The following RANBP2 variants were observed in gnomAD, a reference collection of about 807,000 sequenced individuals.
The protein encoded by RANBP2 is RAN binding protein 2.
In RANBP2, 57 loss-of-function variants were observed where a neutral mutation model predicts 303.6. The ratio of observed to expected loss-of-function variants is 0.19; its 90% confidence interval spans 0.15 to 0.23. The LOEUF is 0.23. Among genes scored for constraint, RANBP2 ranks in the 10% least tolerant of loss-of-function variants. The probability of loss-of-function intolerance (pLI) is 1.00; values close to 1 mark genes in which losing one functional copy is unlikely to be tolerated. For missense variants in RANBP2, 3,138 were observed against 3,780.8 expected, an observed-to-expected ratio of 0.83 and a Z score of 4.46; for synonymous variants, 1,167 against 1,301.5, an observed-to-expected ratio of 0.90 and a Z score of 2.23.
At chr2:109,225,642 GA>G in the RANBP2 span, among the ~76,000 whole-genome samples, 1 of 152,246 alleles carries the variant, frequency 6.6e-6, no homozygotes, top group African/African-American at 2.4e-5. Context: ...TTTGAATTTA[GA>G]AAATCAAAAG....
intron 1 of RANBP2, 116 bp downstream of exon 1, chr2:108,719,794 C>G: frequency 1.3e-6 from 2 of 1,497,980 alleles, no homozygotes; most frequent in Middle Eastern, 2.4e-4. Flanking sequence ...GTTGAGGCGC[C>G]GGCCGGCTGG....
the RANBP2 span, among the ~76,000 whole-genome samples, chr2:109,717,270 ACC>A: frequency 8.9e-5 from 9 of 101,172 alleles, no homozygotes; most frequent in Admixed American, 2.5e-4. Context: ...TTAAAAACAA[ACC>A]AAAAAAAAAA....
chr2:108,817,904 C>G, the RANBP2 span, among the ~76,000 whole-genome samples: 1 of 152,166 alleles, frequency 6.6e-6, no homozygotes, highest in Admixed American at 6.6e-5. Flanking sequence ...AATTTTGTCT[C>G]TTAGTACCTA....
At chr2:109,251,690 T>C in the RANBP2 span, 5 of 1,038,226 alleles carry the variant, frequency 4.8e-6, no homozygotes, top group Non-Finnish European at 6.0e-6. Flanking sequence ...CCTCTCTTCA[T>C]AGGTTCTATT....
At chr2:109,286,609 G>A in the RANBP2 span, among the ~76,000 whole-genome samples, 1 of 152,216 alleles carries the variant, frequency 6.6e-6, no homozygotes, top group African/African-American at 2.4e-5. Context: ...ACATGGTGAG[G>A]GGAGCTTCCA....
chr2:109,650,609 G>C, the RANBP2 span, among the ~76,000 whole-genome samples: 1 of 152,144 alleles, frequency 6.6e-6, no homozygotes, highest in African/African-American at 2.4e-5. Context: ...CATAATCCCC[G>C]TGTGTTGTGG....
the RANBP2 span, among the ~76,000 whole-genome samples, chr2:109,208,463 C>A: frequency 6.6e-6 from 1 of 152,178 alleles, no homozygotes; most frequent in East Asian, 1.9e-4. Context: ...GCCCAAGAAG[C>A]CCTGTGGAGA....
the RANBP2 span, among the ~76,000 whole-genome samples, chr2:109,720,525 A>G: frequency 3.9e-5 from 6 of 152,156 alleles, no homozygotes; most frequent in African/African-American, 1.4e-4. Flanking sequence ...GGTGATTCTT[A>G]TGCACCATGT....
At chr2:108,962,553 T>A in the RANBP2 span, among the ~76,000 whole-genome samples, 1 of 151,578 alleles carries the variant, frequency 6.6e-6, no homozygotes, top group Non-Finnish European at 1.5e-5. Context: ...CGGGCGCCTG[T>A]AGTCCCAGCT....
the RANBP2 span, among the ~76,000 whole-genome samples, chr2:109,743,305 C>G: frequency 4.7e-3 from 700 of 148,940 alleles, 21 homozygotes; most frequent in Admixed American, 7.3e-3. Flanking sequence ...AGACCTTACA[C>G]CTTTCACAAA....
chr2:108,744,806 T>C (rs1289798769), intron 7 of RANBP2, among the ~76,000 whole-genome samples: 4 of 152,232 alleles, frequency 2.6e-5, no homozygotes, highest in Non-Finnish European at 5.9e-5. Flanking sequence ...TTCTGTTCCC[T>C]AGTTATTTAC....
the RANBP2 span, chr2:109,251,731 A>G: frequency 1.5e-6 from 1 of 681,844 alleles, no homozygotes; most frequent in Non-Finnish European, 2.6e-6. Flanking sequence ...GGTCGTGTAC[A>G]TTTTCATATT....
At chr2:108,991,868 G>A in the RANBP2 span, among the ~76,000 whole-genome samples, 81 of 152,274 alleles carry the variant, frequency 5.3e-4, no homozygotes, top group African/African-American at 1.7e-3. Context: ...GTGCAGTAGC[G>A]TGATCTTGGC....
the RANBP2 span, among the ~76,000 whole-genome samples, chr2:109,371,381 C>T: frequency 6.6e-6 from 1 of 152,170 alleles, no homozygotes; most frequent in Non-Finnish European, 1.5e-5. Flanking sequence ...CAGAGCGAGA[C>T]TCCGCCCCTC....
intron 5 of RANBP2, 65 bp from the exon 6 acceptor site, chr2:108,736,039 T>C (rs992242808): frequency 5.0e-6 from 8 of 1,611,432 alleles, no homozygotes; most frequent in Non-Finnish European, 6.8e-6. Context: ...ATTTGTAGGC[T>C]TAAAATGATT....
At chr2:109,615,053 G>A in the RANBP2 span, 1 of 1,548,992 alleles carries the variant, frequency 6.5e-7, no homozygotes, top group Non-Finnish European at 8.7e-7. Context: ...AGGCGGACAG[G>A]GGCAGCTCCC....
the RANBP2 span, among the ~76,000 whole-genome samples, chr2:108,830,769 T>A: frequency 6.6e-6 from 1 of 151,860 alleles, no homozygotes; most frequent in East Asian, 1.9e-4. Flanking sequence ...GATCACGCCA[T>A]TGCACTCCAG....
chr2:109,248,231 C>G, the RANBP2 span, among the ~76,000 whole-genome samples: 1 of 152,248 alleles, frequency 6.6e-6, no homozygotes, highest in African/African-American at 2.4e-5. Flanking sequence ...AATAGGAGTT[C>G]TTACTTTTAA....
the RANBP2 span, chr2:109,568,022 T>A: frequency 7.0e-7 from 1 of 1,436,600 alleles, no homozygotes; most frequent in Non-Finnish European, 9.4e-7. Flanking sequence ...GATTTTTTTT[T>A]TTAATCCTGC....
Sources: allele counts gnomAD v4.1 joint callset (sites outside exome capture counted in the v4.1 genomes callset), GRCh38; gene constraint gnomAD v4.1.1; transcripts MANE v1.5; gene names NCBI Gene and HGNC (gene_info 2026-07-23, HGNC 2026-07-21).